The following PARN variants were observed in gnomAD, a reference collection of about 807,000 sequenced individuals.
PARN encodes poly(A)-specific ribonuclease PARN.
A neutral mutation model predicts 102.8 loss-of-function variants in PARN; 71 were observed. The observed-to-expected ratio is 0.69, with a 90% CI of 0.57 to 0.84. PARN has a LOEUF of 0.84. PARN is among the 40% of genes least tolerant of loss of function. The pLI, the probability that PARN is intolerant of heterozygous loss-of-function variation, is 0.00. For missense variants in PARN, 782 were observed against 760.9 expected, an observed-to-expected ratio of 1.03 and a Z score of -0.33; for synonymous variants, 261 against 252.9, an observed-to-expected ratio of 1.03 and a Z score of -0.30.
chr16:14,541,268 GA>G (rs1475216064), intron 21 of PARN, among the ~76,000 whole-genome samples: 2 of 151,882 alleles, frequency 1.3e-5, no homozygotes, highest in Admixed American at 1.3e-4. Context: ...AGTGAGGAAG[GA>G]ATTCTGGAAA....
chr16:14,524,471 T>G (rs928819160), intron 21 of PARN, among the ~76,000 whole-genome samples: 32 of 152,096 alleles, frequency 2.1e-4, no homozygotes, highest in Admixed American at 2.1e-3. Context: ...TTTATCAAGA[T>G]AAGAAGACAA....
At chr16:14,612,237 G>C (rs1407538560) in intron 6 of PARN, among the ~76,000 whole-genome samples, 17 of 152,056 alleles carry the variant, frequency 1.1e-4, no homozygotes. Context: ...AAAAGATGGA[G>C]ACCAGCCTGG....
intron 21 of PARN, among the ~76,000 whole-genome samples, chr16:14,542,928 A>G (rs1966850405): frequency 6.6e-6 from 1 of 152,224 alleles, no homozygotes; most frequent in African/African-American, 2.4e-5. Flanking sequence ...TAATGTCTAA[A>G]AACTTCCCAA....
At chr16:14,496,213 C>T (rs988871027) in intron 21 of PARN, among the ~76,000 whole-genome samples, 2 of 152,214 alleles carry the variant, frequency 1.3e-5, no homozygotes, top group Non-Finnish European at 1.5e-5. Context: ...CTGACCCTGA[C>T]GCATGCTTCT....
chr16:14,593,381 A>G lies in PARN; in HGVS notation c.841-3T>C. On this transcript the variant is annotated splice_region_variant and splice_polypyrimidine_tract_variant and intron_variant, in intron 12 of 23. Coordinates refer to ENST00000437198, the MANE Select transcript of PARN (RefSeq NM_002582.4). ...TTGTGTCCAATAACAAGTTTTCCCT[A>G]AAGAAAGTCAAGGTTAGAAAAAAGA... 1 of 1,560,090 alleles carries G rather than the reference A, an allele frequency of 6.4e-7. No individual in the cohort carries two copies. The highest frequency in any genetic ancestry group is 8.8e-7 in the Non-Finnish European group (1 of 1,131,544).
intron 21 of PARN, among the ~76,000 whole-genome samples, chr16:14,500,421 G>T (rs1156575399): frequency 6.6e-6 from 1 of 151,524 alleles, no homozygotes; most frequent in African/African-American, 2.4e-5. Context: ...TTTAAGACAG[G>T]GTCTCACTAT....
At chr16:14,586,803 T>C (rs1339301141) in intron 13 of PARN, among the ~76,000 whole-genome samples, 3 of 152,202 alleles carry the variant, frequency 2.0e-5, no homozygotes, top group African/African-American at 7.2e-5. Flanking sequence ...ATGGGCATAC[T>C]GTAAACTAGC....
At chr16:14,597,714 T>C (rs1032838614) in intron 12 of PARN, among the ~76,000 whole-genome samples, 1 of 151,576 alleles carries the variant, frequency 6.6e-6, no homozygotes, top group African/African-American at 2.4e-5. Context: ...AAAAAAAAAT[T>C]GATCGACATC....
At chr16:14,599,601 C>T (rs983006153) in intron 12 of PARN, among the ~76,000 whole-genome samples, 1 of 152,102 alleles carries the variant, frequency 6.6e-6, no homozygotes, top group African/African-American at 2.4e-5. Flanking sequence ...CTTTCTTTTT[C>T]GACTTCTTAC....
chr16:14,497,753 TTTCA>T (rs1964391617), intron 21 of PARN, among the ~76,000 whole-genome samples: 1 of 149,296 alleles, frequency 6.7e-6, no homozygotes, highest in Non-Finnish European at 1.5e-5. Context: ...CTATTTACAC[TTTCA>T]TTAAGGGCTG....
Position 14,523,681 on chromosome 16 carries a change from A to G in PARN, c.1480+28340T>C, listed in dbSNP as rs377148386. ...TGAAATGATTATTACATTTAATGTC[A>G]AAGACAGAACAGCTAACCAAAGGAA... On this transcript the variant is annotated intron_variant, in intron 21 of 23. Coordinates refer to ENST00000437198, the MANE Select transcript of PARN (RefSeq NM_002582.4). Among the ~76,000 whole-genome samples the G allele has an allele frequency of 6.2e-4, 95 of 152,360 alleles. 2 individuals are homozygous for G. In the South Asian group the frequency reaches 0.019, roughly 31 times the overall value.
intron 21 of PARN, among the ~76,000 whole-genome samples, chr16:14,536,921 C>A (rs1966634045): frequency 6.6e-6 from 1 of 151,912 alleles, no homozygotes; most frequent in African/African-American, 2.4e-5. Flanking sequence ...GAAGCACAGG[C>A]AACAATAAAA....
At chr16:14,592,306 T>C (rs1306456756) in intron 13 of PARN, among the ~76,000 whole-genome samples, 2 of 152,216 alleles carry the variant, frequency 1.3e-5, no homozygotes, top group Non-Finnish European at 2.9e-5. Context: ...TAGGGATGTC[T>C]GGAGTCCAGC....
At chr16:14,475,122 C>G (rs1962969385) in intron 22 of PARN, among the ~76,000 whole-genome samples, 1 of 152,212 alleles carries the variant, frequency 6.6e-6, no homozygotes, top group African/African-American at 2.4e-5. Flanking sequence ...AGGGAAGAGA[C>G]TGGCCAATGG....
At position 14,610,689 on chromosome 16, in the gene PARN, G is replaced by C. The variant is rs1259777899; in HGVS notation, c.509C>G (p.Pro170Arg). The C allele has an allele frequency of 6.2e-7, 1 of 1,610,942 alleles. No individual in the cohort carries two copies. Among genetic ancestry groups the C allele is most frequent in the African/African-American group, 1.3e-5 (1 of 74,866 alleles). ...CTTTTGATCCTCAGGAATCGTGACA[G>C]GACATTTTGAAGTGTTAGGAGATAC... ...SYVSPNTSKC[P>R]VTIPEDQKKF... The change falls in exon 7 of 24, where the codon CCT becomes CGT. Residue 170 changes from proline (P) to arginine (R), a missense_variant. Pro to Arg is a moderately radical substitution (Grantham distance 103). Transcript: ENST00000437198.
chr16:14,626,766 C>G (rs556082144), intron 5 of PARN, among the ~76,000 whole-genome samples: 2 of 151,880 alleles, frequency 1.3e-5, no homozygotes, highest in African/African-American at 4.8e-5. Flanking sequence ...GCACCCATGA[C>G]CACACTCGGC....
intron 21 of PARN, among the ~76,000 whole-genome samples, chr16:14,537,059 T>G (rs1171266999): frequency 6.6e-6 from 1 of 152,094 alleles, no homozygotes; most frequent in Non-Finnish European, 1.5e-5. Flanking sequence ...GGACTAATAT[T>G]CAGAATATAC....
At chr16:14,445,498 G>A (rs568075121) in intron 23 of PARN, among the ~76,000 whole-genome samples, 1 of 152,336 alleles carries the variant, frequency 6.6e-6, no homozygotes, top group Admixed American at 6.5e-5. Context: ...AAAGGAGAAT[G>A]ATTATAATTG....
intron 22 of PARN, among the ~76,000 whole-genome samples, chr16:14,466,266 AT>A (rs1350995761): frequency 1.3e-5 from 2 of 152,196 alleles, no homozygotes; most frequent in Non-Finnish European, 2.9e-5. Context: ...GAGGACTGCC[AT>A]TTTTTATTAT....
Sources: gnomAD v4.1 joint callset for allele counts (sites outside exome capture counted in the v4.1 genomes callset) on GRCh38, gnomAD v4.1.1 for gene constraint, MANE v1.5 for transcripts, NCBI Gene and HGNC (gene_info 2026-07-23, HGNC 2026-07-21) for gene names.